Variants in CCSER1 observed in about 807,000 individuals in gnomAD.
CCSER1 encodes coiled-coil serine rich protein 1.
A neutral mutation model predicts 82.0 loss-of-function variants in CCSER1; 41 were observed. The observed-to-expected ratio is 0.50, with a 90% CI of 0.39 to 0.65. The LOEUF (loss-of-function observed/expected upper bound fraction) is 0.65. CCSER1 is among the 30% of genes least tolerant of loss of function. The pLI is 0.00. For missense variants in CCSER1, 1,119 were observed against 1,064.2 expected (o/e 1.05, Z -0.72); for synonymous variants, 414 against 383.9 (o/e 1.08, Z -0.92).
At chr4:90,549,645 T>C (rs1777213967) in intron 5 of CCSER1, among the ~76,000 whole-genome samples, 1 of 152,126 alleles carries the variant, frequency 6.6e-6, no homozygotes, top group African/African-American at 2.4e-5. Context: ...TAAGGTAAAT[T>C]TGGAGCTTGG....
rs892603711 is a variant in CCSER1 at position 90,780,861 on chromosome 4, A to G, written c.2011-34901A>G. On this transcript the variant is annotated intron_variant, in intron 7 of 10. Transcript: ENST00000509176. ...ATTAGGCTGTTCTTGCATGGCTATA[A>G]AGAAATACCTGAGACTAGGTGATTT... 1.1e-5 allele frequency: 10 copies of G among 878,100 alleles called. No individual in the cohort carries two copies. The African/African-American group carries it at 1.6e-4, about 14-fold the overall frequency. 54.4% of individuals were successfully genotyped at this position (878,100 alleles called of 1,614,324 possible).
intron 9 of CCSER1, among the ~76,000 whole-genome samples, chr4:90,926,349 C>A (rs1473668512): frequency 1.3e-5 from 2 of 151,884 alleles, no homozygotes; most frequent in African/African-American, 4.8e-5. Context: ...CCAACATTAG[C>A]CACAAATTGT....
chr4:90,712,417 G>T (rs1173953181), intron 6 of CCSER1, among the ~76,000 whole-genome samples: 1 of 151,988 alleles, frequency 6.6e-6, no homozygotes, highest in East Asian at 1.9e-4. Flanking sequence ...AGTCATTCAG[G>T]AGCAAGTTTC....
intron 7 of CCSER1, among the ~76,000 whole-genome samples, chr4:90,742,966 T>C (rs59658678): frequency 0.052 from 7,939 of 152,268 alleles, 479 homozygotes; most frequent in African/African-American, 0.15. Flanking sequence ...ATTTAGCCTT[T>C]TTTTCACTGC....
At chr4:91,191,790 A>G (rs151222229) in intron 10 of CCSER1, among the ~76,000 whole-genome samples, 3 of 152,272 alleles carry the variant, frequency 2.0e-5, no homozygotes, top group African/African-American at 7.2e-5. Context: ...TTGCATCCGT[A>G]CCATGGTGTG....
intron 10 of CCSER1, among the ~76,000 whole-genome samples, chr4:91,515,650 G>A (rs1760066821): frequency 6.6e-6 from 1 of 152,046 alleles, no homozygotes; most frequent in Admixed American, 6.6e-5. Context: ...TTGTGAACAT[G>A]CTGCAGTAAA....
chr4:90,796,617 T>A (rs1415358754), intron 7 of CCSER1, among the ~76,000 whole-genome samples: 1 of 152,122 alleles, frequency 6.6e-6, no homozygotes, highest in Non-Finnish European at 1.5e-5. Flanking sequence ...GATGTGGGCA[T>A]TTAGTGCTAT....
intron 5 of CCSER1, among the ~76,000 whole-genome samples, chr4:90,537,311 C>T (rs1473567923): frequency 6.6e-6 from 1 of 151,960 alleles, no homozygotes; most frequent in Non-Finnish European, 1.5e-5. Context: ...GACCCTTTTA[C>T]TTTTTTATAT....
chr4:91,002,908 C>T (rs768098371), intron 9 of CCSER1, among the ~76,000 whole-genome samples: 2 of 152,160 alleles, frequency 1.3e-5, no homozygotes, highest in African/African-American at 4.8e-5. Context: ...GGGCTGAAGG[C>T]TGCTGTTCAG....
At chr4:91,062,969 T>G (rs1744082930) in intron 9 of CCSER1, among the ~76,000 whole-genome samples, 4 of 152,132 alleles carry the variant, frequency 2.6e-5, no homozygotes. Context: ...AACCAATGAT[T>G]TATTTGAGCA....
intron 1 of CCSER1, among the ~76,000 whole-genome samples, chr4:90,175,191 T>A (rs1732434303): frequency 6.6e-6 from 1 of 151,996 alleles, no homozygotes; most frequent in Admixed American, 6.6e-5. Context: ...AATGAGCCAC[T>A]GATACAGGCT....
At chr4:90,568,068 A>T (rs1202840584) in intron 5 of CCSER1, among the ~76,000 whole-genome samples, 1 of 152,220 alleles carries the variant, frequency 6.6e-6, no homozygotes, top group Non-Finnish European at 1.5e-5. Context: ...ATACAATTTC[A>T]ATCTTATTAA....
chr4:91,116,685 T>C (rs2148883605), intron 10 of CCSER1, among the ~76,000 whole-genome samples: 1 of 152,318 alleles, frequency 6.6e-6, no homozygotes, highest in South Asian at 2.1e-4. Context: ...GTTTTTGTTG[T>C]TAAAGAAAAT....
intron 10 of CCSER1, among the ~76,000 whole-genome samples, chr4:91,306,648 A>G (rs770263898): frequency 2.6e-5 from 4 of 152,040 alleles, no homozygotes; most frequent in Non-Finnish European, 4.4e-5. Context: ...AGCTGGAAAG[A>G]AAAAAATCAA....
chr4:90,647,616 TAA>T (rs1313421229), intron 6 of CCSER1, among the ~76,000 whole-genome samples: 1 of 152,028 alleles, frequency 6.6e-6, no homozygotes, highest in Non-Finnish European at 1.5e-5. Flanking sequence ...TTGTGAAAAA[TAA>T]AAACTATTTT....
chr4:91,396,648 GAC>G (rs1423654529), intron 10 of CCSER1, among the ~76,000 whole-genome samples: 1 of 151,954 alleles, frequency 6.6e-6, no homozygotes, highest in Non-Finnish European at 1.5e-5. Flanking sequence ...ACACCCTGAA[GAC>G]ACACAACCAC....
chr4:90,356,842 T>G (rs577796135), intron 3 of CCSER1, among the ~76,000 whole-genome samples: 70 of 151,984 alleles, frequency 4.6e-4, no homozygotes, highest in African/African-American at 1.5e-3. Flanking sequence ...TGAAGCTGTC[T>G]GATATTTACA....
At chr4:90,412,501 G>T (rs1412814175) in intron 4 of CCSER1, among the ~76,000 whole-genome samples, 1 of 145,654 alleles carries the variant, frequency 6.9e-6, no homozygotes, top group African/African-American at 2.6e-5. Context: ...GTTAAAAAAA[G>T]ATGCTGAATC....
intron 9 of CCSER1, among the ~76,000 whole-genome samples, chr4:91,046,646 C>G (rs2148697765): frequency 6.6e-6 from 1 of 152,248 alleles, no homozygotes; most frequent in South Asian, 2.1e-4. Flanking sequence ...GGATATATAG[C>G]TTCCAAAGTT....
Sources: gnomAD v4.1 joint callset for allele counts (sites outside exome capture counted in the v4.1 genomes callset) on GRCh38, gnomAD v4.1.1 for gene constraint, MANE v1.5 for transcripts, NCBI Gene and HGNC (gene_info 2026-07-23, HGNC 2026-07-21) for gene names.